The following SSBP2 variants were observed in gnomAD, a reference collection of about 807,000 sequenced individuals.
The protein encoded by SSBP2 is single-stranded DNA-binding protein 2.
Under a neutral mutation model 61.8 loss-of-function variants are expected in SSBP2, and 17 were observed. The ratio of observed to expected loss-of-function variants is 0.28; its 90% CI spans 0.19 to 0.41. The LOEUF (loss-of-function observed/expected upper bound fraction) is 0.41. Ranked by LOEUF, SSBP2 falls within the 10% of genes least tolerant of loss-of-function variation. The pLI is 1.00. For missense variants in SSBP2, 310 were observed against 458.7 expected, an observed-to-expected ratio of 0.68 and a Z score of 2.96; for synonymous variants, 139 against 141.3, an observed-to-expected ratio of 0.98 and a Z score of 0.12.
chr5:81,726,938 T>C (rs1218656414), intron 1 of SSBP2, among the ~76,000 whole-genome samples: 1 of 152,230 alleles, frequency 6.6e-6, no homozygotes, highest in African/African-American at 2.4e-5. Flanking sequence ...TTAATTTCTT[T>C]TGCACTTACT....
At chr5:81,649,650 T>A (rs1316887591) in intron 2 of SSBP2, among the ~76,000 whole-genome samples, 1 of 151,808 alleles carries the variant, frequency 6.6e-6, no homozygotes, top group Non-Finnish European at 1.5e-5. Flanking sequence ...GGAACATGAA[T>A]GGAAAAACAA....
At chr5:81,552,574 G>A (rs1772284214) in intron 4 of SSBP2, among the ~76,000 whole-genome samples, 1 of 151,004 alleles carries the variant, frequency 6.6e-6, no homozygotes, top group South Asian at 2.1e-4. Flanking sequence ...GGAGGCAGAG[G>A]ATGCAGTGAG....
chr5:81,555,702 T>C (rs900254373), intron 4 of SSBP2, among the ~76,000 whole-genome samples: 6 of 152,090 alleles, frequency 3.9e-5, no homozygotes, highest in Admixed American at 2.6e-4. Context: ...AAATCAAATA[T>C]AACAATTGCT....
intron 1 of SSBP2, among the ~76,000 whole-genome samples, chr5:81,665,680 G>A (rs962637888): frequency 6.6e-6 from 1 of 152,022 alleles, no homozygotes; most frequent in Non-Finnish European, 1.5e-5. Context: ...ATTATTAGTA[G>A]TAGTAGTAGA....
chr5:81,737,576 A>G (rs995951246), intron 1 of SSBP2, among the ~76,000 whole-genome samples: 1 of 151,800 alleles, frequency 6.6e-6, no homozygotes, highest in African/African-American at 2.4e-5. Context: ...AGGTCAGGAG[A>G]CTGAGACCAT....
chr5:81,630,183 G>T (rs1196164690), intron 3 of SSBP2, among the ~76,000 whole-genome samples: 2 of 152,206 alleles, frequency 1.3e-5, no homozygotes, highest in Non-Finnish European at 2.9e-5. Context: ...TCCTAATCAT[G>T]TAGACCTCAA....
chr5:81,470,504 T>C (rs1765181017), intron 8 of SSBP2, among the ~76,000 whole-genome samples: 1 of 151,782 alleles, frequency 6.6e-6, no homozygotes, highest in African/African-American at 2.4e-5. Flanking sequence ...ATTAATCACA[T>C]GTTAACTATA....
At chr5:81,594,642 C>G (rs1743514897) in intron 4 of SSBP2, among the ~76,000 whole-genome samples, 1 of 152,216 alleles carries the variant, frequency 6.6e-6, no homozygotes, top group South Asian at 2.1e-4. Flanking sequence ...AACAAACTGT[C>G]TCTCAGACCA....
chr5:81,425,347 T>C (rs987290197), intron 16 of SSBP2, among the ~76,000 whole-genome samples: 4 of 152,178 alleles, frequency 2.6e-5, no homozygotes, highest in African/African-American at 9.7e-5. Context: ...GTGACATAAA[T>C]TGAAATAAAT....
At chr5:81,513,285 C>T (rs1768758523) in intron 5 of SSBP2, among the ~76,000 whole-genome samples, 1 of 152,042 alleles carries the variant, frequency 6.6e-6, no homozygotes, top group South Asian at 2.1e-4. Flanking sequence ...CTTGTCTATG[C>T]TTGTATAGTT....
chr5:81,712,728 G>GTTTT (rs34642922), intron 1 of SSBP2, among the ~76,000 whole-genome samples: 2 of 142,236 alleles, frequency 1.4e-5, no homozygotes. Flanking sequence ...TTGTTTCTTT[G>GTTTT]TTTTTTTTTT....
At chr5:81,589,509 A>G (rs967735416) in intron 4 of SSBP2, among the ~76,000 whole-genome samples, 5 of 152,222 alleles carry the variant, frequency 3.3e-5, no homozygotes, top group African/African-American at 4.8e-5. Context: ...CACAATTTGT[A>G]TAGTTTTACA....
intron 4 of SSBP2, among the ~76,000 whole-genome samples, chr5:81,558,119 C>G (rs1416929459): frequency 6.6e-6 from 1 of 152,160 alleles, no homozygotes; most frequent in African/African-American, 2.4e-5. Flanking sequence ...CGAGGTTTTG[C>G]ATTCCTTCTG....
chr5:81,566,207 A>G (rs1210000293), intron 4 of SSBP2, among the ~76,000 whole-genome samples: 1 of 152,180 alleles, frequency 6.6e-6, no homozygotes, highest in Non-Finnish European at 1.5e-5. Flanking sequence ...CACTGCTTCT[A>G]TAAGGTTAAT....
intron 3 of SSBP2, among the ~76,000 whole-genome samples, chr5:81,631,068 G>A (rs1246620672): frequency 6.6e-6 from 1 of 152,152 alleles, no homozygotes; most frequent in African/African-American, 2.4e-5. Flanking sequence ...AGTATTGACA[G>A]GCTAGATCTG....
intron 1 of SSBP2, among the ~76,000 whole-genome samples, chr5:81,718,170 A>T (rs1005108912): frequency 1.3e-5 from 2 of 152,222 alleles, no homozygotes; most frequent in African/African-American, 4.8e-5. Context: ...AAAGAAGCTC[A>T]TAACAACACA....
chr5:81,461,202 C>A, intron 9 of SSBP2, 99 bp from the exon 10 acceptor site: 2 of 875,882 alleles, frequency 2.3e-6, no homozygotes, highest in Non-Finnish European at 3.3e-6. Context: ...AATTCAGTTA[C>A]TATGCAGTTC....
intron 1 of SSBP2, among the ~76,000 whole-genome samples, chr5:81,706,807 A>C (rs1369162157): frequency 6.6e-6 from 1 of 152,166 alleles, no homozygotes; most frequent in Admixed American, 6.5e-5. Context: ...TAGTCTGATT[A>C]ATCTCAACTT....
chr5:81,639,091 CA>C (rs1203956808), intron 2 of SSBP2, among the ~76,000 whole-genome samples: 3 of 152,202 alleles, frequency 2.0e-5, no homozygotes, highest in East Asian at 3.9e-4. Flanking sequence ...CAATTATCAC[CA>C]CTCACCCAGA....
Sources: gnomAD v4.1 joint callset for allele counts (sites outside exome capture counted in the v4.1 genomes callset) on GRCh38, gnomAD v4.1.1 for gene constraint, MANE v1.5 for transcripts, NCBI Gene and HGNC (gene_info 2026-07-23, HGNC 2026-07-21) for gene names.